CPPED1: variants seen among roughly 807,000 people sequenced by gnomAD.
CPPED1 encodes the protein serine/threonine-protein phosphatase CPPED1.
A neutral mutation model predicts 28.0 loss-of-function variants in CPPED1; 28 were observed. The observed-to-expected ratio is 1.00, with a 90% CI of 0.74 to 1.37. The LOEUF is 1.37. Ranked by LOEUF, CPPED1 falls within the 40% of genes most tolerant of loss-of-function variation. CPPED1 has a pLI of 0.00. For missense variants in CPPED1, 504 were observed against 416.5 expected (o/e 1.21, Z -1.83); for synonymous variants, 198 against 180.2 (o/e 1.10, Z -0.79).
chr16:12,723,561 C>A (rs2080153550), intron 2 of CPPED1, among the ~76,000 whole-genome samples: 1 of 152,238 alleles, frequency 6.6e-6, no homozygotes, highest in South Asian at 2.1e-4. Flanking sequence ...AGGAGAGAGG[C>A]CTCGGAAGGA....
chr16:12,663,384 T>C lies in CPPED1; in HGVS notation c.*1502A>G, dbSNP rs537116469. 8 of 152,340 alleles carry C rather than the reference T, an allele frequency of 5.3e-5. No homozygotes were observed. The highest frequency in any genetic ancestry group is 1.4e-4 in the African/African-American group (6 of 41,570). 9.4% of individuals were successfully genotyped at this position (152,340 alleles called of 1,614,324 possible). ...CCCAATGTGTGGTTGTTATTAGCTA[T>C]GCCCTTTACCGAACTCCTTTTCTTG... On this transcript the variant is annotated 3_prime_UTR_variant, in exon 4 of 4. Coordinates refer to ENST00000381774, the MANE Select transcript of CPPED1 (RefSeq NM_018340.3).
chr16:12,672,088 T>C (rs1272523533), intron 3 of CPPED1, among the ~76,000 whole-genome samples: 2 of 152,208 alleles, frequency 1.3e-5, no homozygotes, highest in Admixed American at 6.5e-5. Context: ...AGGTGTGCAG[T>C]AGACTACACC....
At chr16:12,794,343 G>A (rs563727503) in intron 1 of CPPED1, among the ~76,000 whole-genome samples, 11 of 152,002 alleles carry the variant, frequency 7.2e-5, no homozygotes, top group East Asian at 1.9e-4. Flanking sequence ...GAATCAGAAA[G>A]AAGCCCAAAG....
chr16:12,734,058 GTTTTTTTTTTTT>G (rs71142517), intron 2 of CPPED1, among the ~76,000 whole-genome samples: 231 of 64,422 alleles, frequency 3.6e-3, no homozygotes, highest in Non-Finnish European at 4.9e-3. Context: ...CAAATTACAC[GTTTTTTTTTTTT>G]TTTTTTTTTT....
At chr16:12,720,293 G>C (rs916250139) in intron 2 of CPPED1, 2 of 154,308 alleles carry the variant, frequency 1.3e-5, no homozygotes, top group African/African-American at 4.8e-5. Flanking sequence ...AAATACAAAA[G>C]TGTCAGCTTC....
intron 1 of CPPED1, among the ~76,000 whole-genome samples, chr16:12,788,294 C>G (rs2080576282): frequency 6.6e-6 from 1 of 152,208 alleles, no homozygotes; most frequent in Admixed American, 6.5e-5. Context: ...GGTGAAATCA[C>G]TGGGCTCAGC....
At chr16:12,757,012 G>A (rs918533260) in intron 2 of CPPED1, among the ~76,000 whole-genome samples, 1 of 150,362 alleles carries the variant, frequency 6.7e-6, no homozygotes, top group Non-Finnish European at 1.5e-5. Flanking sequence ...ATCAGGGTAA[G>A]TAAGGTAGGA....
chr16:12,700,995 C>T (rs1036620649), intron 3 of CPPED1, among the ~76,000 whole-genome samples: 2 of 151,960 alleles, frequency 1.3e-5, no homozygotes, highest in Non-Finnish European at 2.9e-5. Context: ...TGGGATACCC[C>T]GGCGGGAGGG....
chr16:12,798,582 A>G (rs1452316216), intron 1 of CPPED1, among the ~76,000 whole-genome samples: 1 of 152,228 alleles, frequency 6.6e-6, no homozygotes, highest in Non-Finnish European at 1.5e-5. Context: ...AGCAAATTCC[A>G]TCAGCTTCTT....
rs760040047 is a variant in CPPED1 at position 12,704,763 on chromosome 16, C to G, written c.576G>C (p.Ala192=). 6.2e-7 allele frequency: 1 copy of G among 1,614,196 alleles called. No individual in the cohort carries two copies. Among genetic ancestry groups the G allele is most frequent in the South Asian group, 1.1e-5 (1 of 91,084 alleles). Residue 192 remains alanine (A), a synonymous_variant, in exon 3 of 4, where the codon GCG becomes GCC. Transcript: ENST00000381774. ...TGGCATGCTGGCAGTGCCGCTGCCTCGCGATGCTCAGCTGCTCGTCCAGCC... is the reference window on the plus strand; with the variant it reads ...TGGCATGCTGGCAGTGCCGCTGCCTGGCGATGCTCAGCTGCTCGTCCAGCC... ...DQWLDEQLSI[A]RQRHCQHAIV...
chr16:12,767,604 G>A (rs570740233), intron 2 of CPPED1, among the ~76,000 whole-genome samples: 2 of 152,272 alleles, frequency 1.3e-5, no homozygotes, highest in South Asian at 4.1e-4. Context: ...AGCTGACAGG[G>A]CCCACTGGCT....
rs565629915 is a variant in CPPED1, at chr16:12,704,674, T to C, written c.665A>G (p.Asn222Ser). 2.7e-5 allele frequency: 43 copies of C among 1,613,998 alleles called. 1 individual carries two copies. The Middle Eastern group carries it at 5.0e-4, about 19-fold the overall frequency. ...SIDEDDDYYF[N>S]LSKSTRKKLA... ...CTTCTTCCGAGTGGACTTGCTGAGG[T>C]TGAAGTAGTAGTCGTCGTCCTCGTC... Residue 222 changes from asparagine to serine, a missense_variant, in exon 3 of 4, where the codon AAC becomes AGC. By Grantham distance (46) the Asn-to-Ser change is conservative. Transcript: ENST00000381774.
intron 2 of CPPED1, among the ~76,000 whole-genome samples, chr16:12,741,283 ATCC>A (rs1265616747): frequency 6.7e-6 from 1 of 149,718 alleles, no homozygotes; most frequent in Non-Finnish European, 1.5e-5. Flanking sequence ...AAAAAAATAA[ATCC>A]TCCTCTGGCT....
intron 2 of CPPED1, among the ~76,000 whole-genome samples, chr16:12,758,445 C>G (rs2080386329): frequency 6.6e-6 from 1 of 152,148 alleles, no homozygotes; most frequent in Non-Finnish European, 1.5e-5. Context: ...AGATAAATGG[C>G]AGAGAACCTA....
At chr16:12,676,665 G>T (rs1272367775) in intron 3 of CPPED1, among the ~76,000 whole-genome samples, 1 of 152,058 alleles carries the variant, frequency 6.6e-6, no homozygotes, top group Non-Finnish European at 1.5e-5. Flanking sequence ...TTCCTGGAGG[G>T]GGTGGCTCTG....
chr16:12,708,289 C>A (rs1487323860), intron 2 of CPPED1, among the ~76,000 whole-genome samples: 1 of 152,102 alleles, frequency 6.6e-6, no homozygotes, highest in Non-Finnish European at 1.5e-5. Flanking sequence ...TGGTCTCTTG[C>A]CCCTTACAAG....
chr16:12,762,971 G>A (rs1244812036), intron 2 of CPPED1, among the ~76,000 whole-genome samples: 1 of 152,078 alleles, frequency 6.6e-6, no homozygotes, highest in East Asian at 1.9e-4. Flanking sequence ...GCTCACGCCT[G>A]TAATCCCAGC....
rs1192608737 is a variant in CPPED1, at chr16:12,659,864, C to T, written c.*5022G>A. On this transcript the variant is annotated 3_prime_UTR_variant, in exon 4 of 4. Coordinates refer to ENST00000381774, the MANE Select transcript of CPPED1 (RefSeq NM_018340.3). ...GCATGGCTGGGGAGGCCTCAGGAAACTTACAATCCTGGTGGAAGGGGAAGC... is the reference window on the plus strand; with the variant it reads ...GCATGGCTGGGGAGGCCTCAGGAAATTTACAATCCTGGTGGAAGGGGAAGC... The T allele has an allele frequency of 6.6e-6, 1 of 152,448 alleles. No homozygotes were observed. 9.4% of individuals were successfully genotyped at this position (152,448 alleles called of 1,614,324 possible).
At chr16:12,715,418 G>C (rs937556004) in intron 2 of CPPED1, among the ~76,000 whole-genome samples, 1 of 152,134 alleles carries the variant, frequency 6.6e-6, no homozygotes, top group African/African-American at 2.4e-5. Flanking sequence ...CCAGCACTCT[G>C]GGAGGCTGAG....
Sources: gnomAD v4.1 joint callset for allele counts (sites outside exome capture counted in the v4.1 genomes callset) on GRCh38, gnomAD v4.1.1 for gene constraint, MANE v1.5 for transcripts, NCBI Gene and HGNC (gene_info 2026-07-23, HGNC 2026-07-21) for gene names.